Variants in GYS2 observed in about 807,000 individuals in gnomAD.
GYS2 encodes the protein glycogen [starch] synthase, liver.
A neutral mutation model predicts 85.6 loss-of-function variants in GYS2; 80 were observed. That is an observed-to-expected ratio of 0.93 (90% CI 0.78 to 1.13). The LOEUF (loss-of-function observed/expected upper bound fraction) is 1.13, where lower values mean the gene tolerates loss of function less well. GYS2 is among the 50% of genes most tolerant of loss of function. The pLI is 0.00. For synonymous variants in GYS2, 328 were observed against 300.7 expected (o/e 1.09, Z -0.94); for missense variants, 881 against 854.9 (o/e 1.03, Z -0.38).
chr12:21,539,004 T>A (rs1049741551), intron 15 of GYS2, among the ~76,000 whole-genome samples: 1 of 152,028 alleles, frequency 6.6e-6, no homozygotes, highest in Non-Finnish European at 1.5e-5. Flanking sequence ...AGAATAAATG[T>A]CCATCAGAAC....
At chr12:21,558,165 A>C in intron 11 of GYS2, 35 bp downstream of exon 11, 1 of 1,145,346 alleles carries the variant, frequency 8.7e-7, no homozygotes, top group East Asian at 2.3e-5. Flanking sequence ...ATTTTAAGTA[A>C]GTTTAAAGTT....
intron 1 of GYS2, among the ~76,000 whole-genome samples, chr12:21,584,865 A>G (rs571643261): frequency 5.9e-5 from 9 of 152,300 alleles, no homozygotes; most frequent in African/African-American, 2.2e-4. Context: ...CAAGCCACTC[A>G]CTTTATGGCT....
At chr12:21,551,446 G>C (rs4567520) in intron 11 of GYS2, among the ~76,000 whole-genome samples, 30 of 151,800 alleles carry the variant, frequency 2.0e-4, no homozygotes, top group African/African-American at 6.8e-4. Context: ...AAGACATAAA[G>C]AGGGCTGTTG....
chr12:21,601,514 C>T (rs1944756236), intron 1 of GYS2, among the ~76,000 whole-genome samples: 2 of 152,146 alleles, frequency 1.3e-5, no homozygotes, highest in Admixed American at 1.3e-4. Context: ...TGCATCTTGG[C>T]ATATATAGTT....
rs760859280 is a variant in GYS2 at position 21,542,564 on chromosome 12, C to T, written c.1577G>A (p.Ser526Asn). Residue 526 changes from serine (S) to asparagine (N), a missense_variant, in exon 13 of 16, where the codon AGT (serine) becomes AAT (asparagine). Ser to Asn is a conservative substitution (Grantham distance 46). Coordinates refer to ENST00000261195, the MANE Select transcript of GYS2 (RefSeq NM_021957.4). Reference protein sequence around the residue: ...PAECTVMGIPSVTTNLSGFGC... With the variant: ...PAECTVMGIPNVTTNLSGFGC... ...AAACCCGGAGAGATTCGTGGTCACA[C>T]TGGGGATACCCATCACAGTGCATTC... 2.5e-6 allele frequency: 4 copies of T among 1,613,288 alleles called. No individual in the cohort carries two copies. Among genetic ancestry groups the T allele is most frequent in the Non-Finnish European group, 3.4e-6 (4 of 1,179,488 alleles).
In GYS2 at chr12:21,545,806, A is replaced by T. The variant is rs536410031; in HGVS notation, c.1549+538T>A. 2.0e-5 allele frequency among the ~76,000 whole-genome samples: 3 copies of T among 152,336 alleles called. No homozygotes were observed. The South Asian group carries it at 6.2e-4, about 32-fold the overall frequency. ...TTGCTAATCTCTCTTAGTACCTTTT[A>T]TTTTGAGGCACAAGAATGTGAAGAA... On this transcript the variant is annotated intron_variant, in intron 12 of 15. Coordinates refer to ENST00000261195, the MANE Select transcript of GYS2 (RefSeq NM_021957.4).
chr12:21,595,715 G>C (rs1391322227), intron 1 of GYS2, among the ~76,000 whole-genome samples: 1 of 152,106 alleles, frequency 6.6e-6, no homozygotes, highest in Non-Finnish European at 1.5e-5. Flanking sequence ...TTATATAATG[G>C]TAAAAGGCCT....
chr12:21,539,471 T>G (rs1454350934), intron 14 of GYS2, 133 bp from the exon 15 acceptor site: 1 of 705,522 alleles, frequency 1.4e-6, no homozygotes, highest in Non-Finnish European at 2.5e-6. Flanking sequence ...CTATGCAGTC[T>G]AAGTTTGAGA....
In GYS2 at chr12:21,604,560, G is replaced by A. The variant is rs1302453187; in HGVS notation, c.33C>T (p.Ser11=). The change falls in exon 1 of 16, where the codon TCC becomes TCT. Residue 11 remains serine, a synonymous_variant. Transcript: ENST00000261195. ...CTTCCCACTGGGGAAGCCCACCCAG[G>A]GATGTTACAGAGAGGGATCGGCCTC... MLRGRSLSVT[S]LGGLPQWEVE... The A allele has an allele frequency of 6.2e-7, 1 of 1,612,330 alleles. No homozygotes were observed. The highest frequency in any genetic ancestry group is 1.1e-5 in the South Asian group (1 of 91,046).
chr12:21,563,745 C>T (rs192346414), intron 5 of GYS2, among the ~76,000 whole-genome samples: 111 of 152,250 alleles, frequency 7.3e-4, no homozygotes, highest in African/African-American at 2.4e-3. Flanking sequence ...TCTGCATTTT[C>T]AGAGGTGGAA....
At chr12:21,596,922 G>T (rs1260072916) in intron 1 of GYS2, among the ~76,000 whole-genome samples, 2 of 152,056 alleles carry the variant, frequency 1.3e-5, no homozygotes, top group Non-Finnish European at 2.9e-5. Context: ...CAAGATGAAT[G>T]CACACAAATC....
chr12:21,563,474 T>C (rs1944280597), intron 5 of GYS2, 129 bp from the exon 6 acceptor site: 1 of 625,830 alleles, frequency 1.6e-6, no homozygotes, highest in Non-Finnish European at 2.8e-6. Flanking sequence ...ACCATAAAAT[T>C]TAAAATTTAT....
At position 21,596,435 on chromosome 12, in the gene GYS2, T is replaced by C. The variant is rs255434; in HGVS notation, c.121+8037A>G. Among the ~76,000 whole-genome samples the C allele has an allele frequency of 3.5e-3, 531 of 150,880 alleles. 5 individuals carry two copies. Among genetic ancestry groups the C allele is most frequent in the African/African-American group, 0.012 (488 of 41,072 alleles). On this transcript the variant is annotated intron_variant, in intron 1 of 15. Transcript: ENST00000261195. ...CAGGTTCCATGCCAGGGATGCAGGG[T>C]TGGTTTGACATCTGCAAGTCAATAA...
intron 5 of GYS2, among the ~76,000 whole-genome samples, chr12:21,564,151 G>A (rs149611105): frequency 9.7e-4 from 148 of 152,156 alleles, no homozygotes; most frequent in African/African-American, 3.3e-3. Context: ...GCAGCATAAA[G>A]CAAAAACAAG....
chr12:21,593,035 TATGTC>T (rs958302805), intron 1 of GYS2, among the ~76,000 whole-genome samples: 3 of 152,010 alleles, frequency 2.0e-5, no homozygotes, highest in Non-Finnish European at 2.9e-5. Flanking sequence ...GAATGAACGT[TATGTC>T]AAGAAGAAAA....
intron 1 of GYS2, among the ~76,000 whole-genome samples, chr12:21,587,630 G>C (rs547373400): frequency 6.6e-6 from 1 of 151,916 alleles, no homozygotes; most frequent in East Asian, 1.9e-4. Context: ...ACAATTAAAC[G>C]TTTTTTCCTT....
Position 21,536,755 on chromosome 12 carries a change from C to A in GYS2, c.*199G>T, listed in dbSNP as rs576537818. ...CTCATGCCTAACTTTATGGGGGAAA[C>A]AAGAGTTGGGGAAAATAACTTGGAT... is the stretch of plus-strand genomic sequence containing the variant. On this transcript the variant is annotated 3_prime_UTR_variant, in exon 16 of 16. Coordinates refer to ENST00000261195, the MANE Select transcript of GYS2 (RefSeq NM_021957.4). 1.2e-5 allele frequency: 7 copies of A among 596,022 alleles called. No individual in the cohort carries two copies. Among genetic ancestry groups the A allele is most frequent in the Non-Finnish European group, 2.1e-5 (7 of 336,008 alleles). 36.9% of individuals were successfully genotyped at this position (596,022 alleles called of 1,614,324 possible).
intron 11 of GYS2, among the ~76,000 whole-genome samples, chr12:21,547,873 C>T (rs1395520477): frequency 6.6e-6 from 1 of 152,122 alleles, no homozygotes; most frequent in African/African-American, 2.4e-5. Context: ...AGCAAATGGA[C>T]ACTGTACTTT....
chr12:21,594,175 T>G (rs1944670294), intron 1 of GYS2, among the ~76,000 whole-genome samples: 1 of 152,112 alleles, frequency 6.6e-6, no homozygotes, highest in African/African-American at 2.4e-5. Flanking sequence ...AAGCCTTTCC[T>G]CTAAGAACTG....
Sources: allele counts gnomAD v4.1 joint callset (sites outside exome capture counted in the v4.1 genomes callset), GRCh38; gene constraint gnomAD v4.1.1; transcripts MANE v1.5; gene names NCBI Gene and HGNC (gene_info 2026-07-23, HGNC 2026-07-21).